Variants in SH3RF2 observed in about 807,000 individuals in gnomAD.
SH3RF2 encodes SH3 domain containing ring finger 2, also known as E3 ubiquitin-protein ligase SH3RF2.
A neutral mutation model predicts 59.0 loss-of-function variants in SH3RF2; 43 were observed. That is an observed-to-expected ratio of 0.73 (90% CI 0.57 to 0.94). The LOEUF is 0.94. Among genes scored for constraint, SH3RF2 ranks in the 40% least tolerant of loss-of-function variants. The pLI is 0.00. For missense variants in SH3RF2, 930 were observed against 940.1 expected, an observed-to-expected ratio of 0.99 and a Z score of 0.14; for synonymous variants, 391 against 391.5, an observed-to-expected ratio of 1.00 and a Z score of 0.01.
intron 4 of SH3RF2, among the ~76,000 whole-genome samples, chr5:146,012,804 A>G (rs1250602094): frequency 6.6e-6 from 1 of 152,056 alleles, no homozygotes; most frequent in Non-Finnish European, 1.5e-5. Context: ...GTGAGAATGG[A>G]CCTATACGGT....
At chr5:146,046,210 C>T (rs1762297623) in intron 5 of SH3RF2, among the ~76,000 whole-genome samples, 1 of 152,208 alleles carries the variant, frequency 6.6e-6, no homozygotes, top group Admixed American at 6.5e-5. Context: ...CACATCAGCA[C>T]ATATAGCATA....
At chr5:146,038,703 G>A (rs1762025973) in intron 5 of SH3RF2, among the ~76,000 whole-genome samples, 1 of 152,180 alleles carries the variant, frequency 6.6e-6, no homozygotes, top group Admixed American at 6.5e-5. Flanking sequence ...AATGTTCTTG[G>A]ATGGGACAAC....
Position 145,937,815 on chromosome 5 carries a change from T to G in SH3RF2, c.-106-8T>G, listed in dbSNP as rs777038613. On this transcript the variant is annotated splice_polypyrimidine_tract_variant and splice_region_variant and intron_variant, in intron 1 of 9. Transcript: ENST00000359120. ...TTTTTTTTTCTCTCCTCTCCCTCCT[T>G]CAAGCAGGCAAAAATTCTGACGTTC... 4 of 1,342,462 alleles carry G rather than the reference T, an allele frequency of 3.0e-6. No individual in the cohort carries two copies. Among genetic ancestry groups the G allele is most frequent in the Non-Finnish European group, 4.0e-6 (4 of 988,592 alleles). 83.2% of individuals were successfully genotyped at this position (1,342,462 alleles called of 1,614,324 possible).
In SH3RF2 at chr5:146,000,102, C is replaced by A. The variant is rs754685731; in HGVS notation, c.423C>A (p.Pro141=). Residue 141 remains proline, a synonymous_variant, in exon 3 of 10, where the codon CCC becomes CCA. Coordinates refer to ENST00000359120, the MANE Select transcript of SH3RF2 (RefSeq NM_152550.4). ...KALCNYRGQN[P]GDLRFNKGDI... ...TATGCAACTACAGAGGGCAGAATCC[C>A]GGTGACCTAAGGTTTAATAAGGGAG... The A allele has an allele frequency of 6.2e-7, 1 of 1,613,534 alleles. No homozygotes were observed. The highest frequency in any genetic ancestry group is 8.5e-7 in the Non-Finnish European group (1 of 1,179,766).
At chr5:145,950,203 AC>A (rs1758142085) in intron 2 of SH3RF2, among the ~76,000 whole-genome samples, 2 of 152,160 alleles carry the variant, frequency 1.3e-5, no homozygotes, top group South Asian at 2.1e-4. Flanking sequence ...GTATTTTCCC[AC>A]TTTACAGATG....
chr5:146,074,987 A>T (rs1213235705), intron 9 of SH3RF2, among the ~76,000 whole-genome samples: 2 of 152,248 alleles, frequency 1.3e-5, no homozygotes, highest in Non-Finnish European at 2.9e-5. Context: ...GACATCTCAC[A>T]ACACCATACA....
chr5:145,967,624 G>A lies in SH3RF2; in HGVS notation c.378+29318G>A, dbSNP rs368296091. ...TTCTAGCCAACAATTAGAACACTCCGAAGCTGAATTTATGGTGAGTTATTT... is the reference window on the plus strand; with the variant it reads ...TTCTAGCCAACAATTAGAACACTCCAAAGCTGAATTTATGGTGAGTTATTT... On this transcript the variant is annotated intron_variant, in intron 2 of 9. Transcript: ENST00000359120. Among the ~76,000 whole-genome samples the A allele has an allele frequency of 1.1e-4, 16 of 152,250 alleles. No individual in the cohort carries two copies. In the South Asian group the frequency reaches 2.9e-3, roughly 28 times the overall value.
chr5:145,984,769 A>G (rs892671209), intron 2 of SH3RF2, among the ~76,000 whole-genome samples: 2 of 152,200 alleles, frequency 1.3e-5, no homozygotes, highest in South Asian at 2.1e-4. Context: ...CTCCAAGGTC[A>G]TGTCTATTTC....
chr5:146,047,904 A>T, intron 6 of SH3RF2, 41 bp downstream of exon 6: 3 of 1,580,632 alleles, frequency 1.9e-6, no homozygotes, highest in Non-Finnish European at 2.6e-6. Context: ...TCCTGGCACA[A>T]AGGGGTCATC....
At chr5:145,978,670 G>C (rs1759392177) in intron 2 of SH3RF2, among the ~76,000 whole-genome samples, 1 of 148,934 alleles carries the variant, frequency 6.7e-6, no homozygotes, top group Non-Finnish European at 1.5e-5. Context: ...AGTTAGTTAG[G>C]AGGGTGGTTT....
At chr5:145,986,704 T>C (rs1759721392) in intron 2 of SH3RF2, among the ~76,000 whole-genome samples, 1 of 152,184 alleles carries the variant, frequency 6.6e-6, no homozygotes, top group South Asian at 2.1e-4. Flanking sequence ...AACCAGCTTA[T>C]GTTTGGAGCC....
chr5:146,049,285 A>T (rs765773196), intron 7 of SH3RF2, 40 bp downstream of exon 7: 1 of 1,563,770 alleles, frequency 6.4e-7, no homozygotes, highest in Non-Finnish European at 8.7e-7. Flanking sequence ...AGGTTGGGCC[A>T]CCCTAGGCCA....
chr5:146,013,204 G>A (rs1045293998), intron 4 of SH3RF2, among the ~76,000 whole-genome samples: 1 of 152,156 alleles, frequency 6.6e-6, no homozygotes, highest in African/African-American at 2.4e-5. Flanking sequence ...CTACTCTGGG[G>A]TACAGGAGAG....
chr5:146,059,951 G>T lies in SH3RF2; in HGVS notation c.1641G>T (p.Arg547=). The change falls in exon 9 of 10, where the codon CGG becomes CGT. Residue 547 remains arginine (R), a synonymous_variant. Transcript: ENST00000359120. The stretch of plus-strand genomic sequence containing the variant: ...GACGCAGCCCCACCATGGTCCTTCG[G>T]CCTCAGCAGTTCCAATTCTACCAGC... The part of the protein sequence containing the change: ...SLRRSPTMVL[R]PQQFQFYQPQ... The T allele has an allele frequency of 6.5e-7, 1 of 1,545,614 alleles. No individual in the cohort carries two copies. The highest frequency in any genetic ancestry group is 1.3e-5 in the South Asian group (1 of 78,960).
At chr5:146,015,340 T>C (rs572357557) in intron 5 of SH3RF2, among the ~76,000 whole-genome samples, 25 of 152,208 alleles carry the variant, frequency 1.6e-4, no homozygotes, top group African/African-American at 5.8e-4. Flanking sequence ...TTTCTCTTTC[T>C]CCTCCATTTC....
chr5:146,007,109 A>T (rs189713879), intron 4 of SH3RF2, among the ~76,000 whole-genome samples: 43 of 152,340 alleles, frequency 2.8e-4, no homozygotes, highest in East Asian at 1.7e-3. Flanking sequence ...CTGCCATATC[A>T]TAAGAAGTGT....
At chr5:145,963,834 T>G (rs898582303) in intron 2 of SH3RF2, among the ~76,000 whole-genome samples, 13 of 151,340 alleles carry the variant, frequency 8.6e-5, no homozygotes, top group Non-Finnish European at 1.6e-4. Context: ...TTTTTGTTTT[T>G]TTTTTTTTTC....
At chr5:146,002,646 G>C (rs908848057) in intron 3 of SH3RF2, among the ~76,000 whole-genome samples, 1 of 152,182 alleles carries the variant, frequency 6.6e-6, no homozygotes, top group African/African-American at 2.4e-5. Context: ...CGCACAGCAG[G>C]AGGTGAGAGG....
intron 8 of SH3RF2, among the ~76,000 whole-genome samples, chr5:146,058,761 G>A (rs1294515212): frequency 6.6e-6 from 1 of 151,744 alleles, no homozygotes; most frequent in Admixed American, 6.6e-5. Context: ...ATGAACTCCT[G>A]ATTCCCCAGG....
Sources: gnomAD v4.1 joint callset for allele counts (sites outside exome capture counted in the v4.1 genomes callset) on GRCh38, gnomAD v4.1.1 for gene constraint, MANE v1.5 for transcripts, NCBI Gene and HGNC (gene_info 2026-07-23, HGNC 2026-07-21) for gene names.